The following CNNM2 variants were observed in gnomAD, a reference collection of about 807,000 sequenced individuals.
The protein encoded by CNNM2 is metal transporter CNNM2.
A neutral mutation model predicts 66.9 loss-of-function variants in CNNM2; 12 were observed. The ratio of observed to expected loss-of-function variants is 0.18; its 90% CI spans 0.11 to 0.29. The LOEUF is 0.29. Ranked by LOEUF, CNNM2 falls within the 10% of genes least tolerant of loss-of-function variation. CNNM2 has a pLI of 1.00. For synonymous variants in CNNM2, 557 were observed against 501.8 expected (o/e 1.11, Z -1.47); for missense variants, 705 against 1,167.7 (o/e 0.60, Z 5.77).
rs1274689118 is a variant in CNNM2, at chr10:103,054,622, T to G, written c.1903+156T>G. Among the ~76,000 whole-genome samples the G allele has an allele frequency of 6.6e-6, 1 of 152,200 alleles. No individual in the cohort carries two copies. Among genetic ancestry groups the G allele is most frequent in the Admixed American group, 6.5e-5 (1 of 15,274 alleles). ...GTTTTTTTTGTTTTTTTGTTTTGTT[T>G]TGTTTTTTTCTTTTTAAATTCTCTC... is the stretch of plus-strand genomic sequence containing the variant. On this transcript the variant is annotated intron_variant, in intron 3 of 7. Coordinates refer to ENST00000369878, the MANE Select transcript of CNNM2 (RefSeq NM_017649.5). This position sits in a 1 kb window ranked among gnomAD's most constrained non-coding sequence, Gnocchi z 5.2.
At chr10:103,001,960 C>T (rs1030930035) in intron 1 of CNNM2, among the ~76,000 whole-genome samples, 2 of 152,114 alleles carry the variant, frequency 1.3e-5, no homozygotes, top group Non-Finnish European at 2.9e-5. Context: ...CCTGCCACTG[C>T]GCCCCAGCCT....
intron 1 of CNNM2, among the ~76,000 whole-genome samples, chr10:102,936,925 C>G (rs1791890342): frequency 6.6e-6 from 1 of 152,182 alleles, no homozygotes; most frequent in African/African-American, 2.4e-5. Context: ...TTAGATGAAA[C>G]TCACAGGTAT....
chr10:102,972,213 G>C (rs1451750201), intron 1 of CNNM2, among the ~76,000 whole-genome samples: 1 of 152,150 alleles, frequency 6.6e-6, no homozygotes, highest in African/African-American at 2.4e-5. Flanking sequence ...AATCATGACT[G>C]CATCAGAATA....
chr10:102,957,149 A>C (rs1210849964), intron 1 of CNNM2, among the ~76,000 whole-genome samples: 1 of 151,754 alleles, frequency 6.6e-6, no homozygotes, highest in African/African-American at 2.4e-5. Flanking sequence ...TAAAAATACC[A>C]AAAAAATTAG....
intron 2 of CNNM2, among the ~76,000 whole-genome samples, chr10:103,050,432 G>A (rs2065196746): frequency 6.6e-6 from 1 of 151,896 alleles, no homozygotes; most frequent in Admixed American, 6.6e-5. Flanking sequence ...AGCTACTCTG[G>A]AGGCTAAAGC....
chr10:102,925,035 G>C (rs895161914), intron 1 of CNNM2, among the ~76,000 whole-genome samples: 1 of 152,072 alleles, frequency 6.6e-6, no homozygotes, highest in South Asian at 2.1e-4. Flanking sequence ...GGTGGCTCAC[G>C]CCTGTAATCC....
chr10:103,089,142 C>A lies in CNNM2; in HGVS notation c.*11962C>A. ...GATAGAGAAGCAGCCTTGCCAGAGT[C>A]ACTGAGGATGAATTAAAGGCTTATA... is the stretch of plus-strand genomic sequence containing the variant. On this transcript the variant is annotated 3_prime_UTR_variant, in exon 8 of 8. Transcript: ENST00000369878. 1 of 227,522 alleles carries A rather than the reference C, an allele frequency of 4.4e-6. No individual in the cohort carries two copies. Among genetic ancestry groups the A allele is most frequent in the Non-Finnish European group, 8.7e-6 (1 of 114,536 alleles). 14.1% of individuals were successfully genotyped at this position (227,522 alleles called of 1,614,324 possible).
intron 1 of CNNM2, among the ~76,000 whole-genome samples, chr10:102,947,448 A>T (rs553097825): frequency 7.9e-6 from 1 of 125,814 alleles, no homozygotes; most frequent in African/African-American, 2.8e-5. Flanking sequence ...AGTGAAGAAA[A>T]ATGAAGAAAA....
chr10:103,066,502 C>G (rs1350145219), intron 4 of CNNM2, among the ~76,000 whole-genome samples: 1 of 152,200 alleles, frequency 6.6e-6, no homozygotes, highest in Admixed American at 6.5e-5. Flanking sequence ...AGGACCCAAC[C>G]CTGCCAGCCC....
chr10:103,029,615 C>A (rs1242720311), intron 1 of CNNM2, among the ~76,000 whole-genome samples: 1 of 152,064 alleles, frequency 6.6e-6, no homozygotes, highest in Non-Finnish European at 1.5e-5. Context: ...GTAATCCCAG[C>A]ACTTTGGGAG....
chr10:103,044,281 G>A (rs894510417), intron 1 of CNNM2, among the ~76,000 whole-genome samples: 2 of 152,018 alleles, frequency 1.3e-5, no homozygotes, highest in African/African-American at 4.8e-5. Context: ...ATTTGAGCTC[G>A]GTTTTGAAAA....
At chr10:102,952,352 C>A (rs570962775) in intron 1 of CNNM2, among the ~76,000 whole-genome samples, 7 of 152,162 alleles carry the variant, frequency 4.6e-5, no homozygotes, top group Admixed American at 3.3e-4. Context: ...ATCATGAGGT[C>A]AGGAAATCGA....
chr10:103,049,226 C>G (rs1392279216), intron 1 of CNNM2, among the ~76,000 whole-genome samples: 1 of 152,338 alleles, frequency 6.6e-6, no homozygotes, highest in South Asian at 2.1e-4. Context: ...CTAAGTGCAG[C>G]TTGCTCCCAC....
At chr10:103,047,424 T>C (rs949383479) in intron 1 of CNNM2, among the ~76,000 whole-genome samples, 2 of 152,238 alleles carry the variant, frequency 1.3e-5, no homozygotes, top group Admixed American at 1.3e-4. Context: ...AAATGTGGTG[T>C]GGTGCCCTGA....
intron 1 of CNNM2, chr10:102,921,034 A>G (rs755828239): frequency 1.7e-5 from 16 of 958,162 alleles, no homozygotes; most frequent in Non-Finnish European, 2.0e-5. Context: ...AAGTTGAAGT[A>G]TGTCTCCGTC....
At chr10:103,013,597 T>C (rs2064386801) in intron 1 of CNNM2, among the ~76,000 whole-genome samples, 1 of 152,124 alleles carries the variant, frequency 6.6e-6, no homozygotes, top group Admixed American at 6.6e-5. Context: ...ACAGCTCCCT[T>C]TATCCAAGCC....
intron 1 of CNNM2, among the ~76,000 whole-genome samples, chr10:103,001,307 T>TA (rs754454740): frequency 1.1e-4 from 16 of 152,162 alleles, no homozygotes; most frequent in South Asian, 4.1e-4. Flanking sequence ...ACTGTACAGT[T>TA]AAAAAAATGG....
intron 1 of CNNM2, among the ~76,000 whole-genome samples, chr10:102,959,052 G>A (rs1378986516): frequency 1.3e-5 from 2 of 151,788 alleles, no homozygotes; most frequent in African/African-American, 4.8e-5. Flanking sequence ...GGCTCAAGTG[G>A]TCCTTCTGCC....
At chr10:102,932,756 A>G (rs938609198) in intron 1 of CNNM2, among the ~76,000 whole-genome samples, 2 of 151,994 alleles carry the variant, frequency 1.3e-5, no homozygotes, top group Admixed American at 6.6e-5. Context: ...CGTCTCTACT[A>G]AAAATACAAA....
Sources: gnomAD v4.1 joint callset for allele counts (sites outside exome capture counted in the v4.1 genomes callset) on GRCh38, gnomAD v4.1.1 for gene constraint, Gnocchi (gnomAD v3.1) non-coding constraint, MANE v1.5 for transcripts, NCBI Gene and HGNC (gene_info 2026-07-23, HGNC 2026-07-21) for gene names.